The following CAMTA1 variants were observed in gnomAD, a reference collection of about 807,000 sequenced individuals.
The protein encoded by CAMTA1 is calmodulin-binding transcription activator 1.
In CAMTA1, 27 loss-of-function variants were observed where a neutral mutation model predicts 170.9. The observed-to-expected ratio is 0.16, with a 90% CI of 0.12 to 0.22. The LOEUF is 0.22. Among genes scored for constraint, CAMTA1 ranks in the 10% least tolerant of loss-of-function variants. The probability of loss-of-function intolerance (pLI) is 1.00; values close to 1 mark genes in which losing one functional copy is unlikely to be tolerated. For synonymous variants in CAMTA1, 833 were observed against 891.5 expected, an observed-to-expected ratio of 0.93 and a Z score of 1.17; for missense variants, 1,619 against 2,217.2, an observed-to-expected ratio of 0.73 and a Z score of 5.42.
chr1:7,249,045 C>G lies in CAMTA1; in HGVS notation c.303-446C>G, dbSNP rs186598457. 1.3e-5 allele frequency among the ~76,000 whole-genome samples: 2 copies of G among 152,156 alleles called. No homozygotes were observed. The highest frequency in any genetic ancestry group is 4.8e-5 in the African/African-American group (2 of 41,438). ...GTCTGTTCTTAACATAGTCATCTAG[C>G]GTCTGCGTTAAACTTATTTATTTCC... On this transcript the variant is annotated intron_variant, in intron 4 of 22. Coordinates refer to ENST00000303635, the MANE Select transcript of CAMTA1 (RefSeq NM_015215.4). The surrounding 1 kb of genome is among the most constrained non-coding windows in gnomAD (Gnocchi z 4.4).
chr1:6,831,882 G>A (rs1650326818), intron 3 of CAMTA1, among the ~76,000 whole-genome samples: 1 of 151,788 alleles, frequency 6.6e-6, no homozygotes, highest in South Asian at 2.1e-4. Context: ...CCACACCAAA[G>A]CGTCTGCAGG....
At chr1:6,980,603 A>G (rs954001708) in intron 3 of CAMTA1, among the ~76,000 whole-genome samples, 2 of 151,886 alleles carry the variant, frequency 1.3e-5, no homozygotes, top group Admixed American at 1.3e-4. Context: ...CTTGGGAGGG[A>G]CTTGGTAGGA....
intron 7 of CAMTA1, among the ~76,000 whole-genome samples, chr1:7,654,978 A>C (rs915438071): frequency 3.3e-4 from 45 of 137,700 alleles, no homozygotes; most frequent in East Asian, 6.3e-4. Context: ...CTATACACAC[A>C]CACCTATACA....
At chr1:7,187,367 A>G (rs1653580797) in intron 4 of CAMTA1, among the ~76,000 whole-genome samples, 1 of 152,222 alleles carries the variant, frequency 6.6e-6, no homozygotes, top group African/African-American at 2.4e-5. Flanking sequence ...TTTATGCCCA[A>G]GCTCATTTTT....
chr1:6,945,725 G>A (rs1687459232), intron 3 of CAMTA1, among the ~76,000 whole-genome samples: 1 of 152,040 alleles, frequency 6.6e-6, no homozygotes, highest in Non-Finnish European at 1.5e-5. Flanking sequence ...TGCCTATTCT[G>A]GACATTTTAT....
intron 16 of CAMTA1, among the ~76,000 whole-genome samples, chr1:7,741,937 T>G (rs1300668070): frequency 8.4e-6 from 1 of 118,368 alleles, no homozygotes; most frequent in Admixed American, 1.1e-4. Flanking sequence ...ATGCCCGGCC[T>G]CGGGTTGTTT....
At chr1:7,031,383 A>G (rs994419417) in intron 3 of CAMTA1, among the ~76,000 whole-genome samples, 5 of 152,062 alleles carry the variant, frequency 3.3e-5, no homozygotes, top group African/African-American at 1.2e-4. Flanking sequence ...GCTTTTTGTG[A>G]TATTAACATA....
intron 5 of CAMTA1, among the ~76,000 whole-genome samples, chr1:7,359,227 G>A (rs761143453): frequency 1.5e-5 from 2 of 132,752 alleles, no homozygotes; most frequent in African/African-American, 5.6e-5. Context: ...CCAGGGGTCA[G>A]TGGGGAGCCA....
rs557260808 is a variant in CAMTA1 at position 7,195,167 on chromosome 1, C to T, written c.303-54324C>T. 3.9e-5 allele frequency among the ~76,000 whole-genome samples: 6 copies of T among 152,300 alleles called. No homozygotes were observed. The highest frequency in any genetic ancestry group is 2.1e-4 in the South Asian group (1 of 4,824). On this transcript the variant is annotated intron_variant, in intron 4 of 22. Transcript: ENST00000303635. The surrounding 1 kb of genome is among the most constrained non-coding windows in gnomAD (Gnocchi z 4.1). Reference sequence around the variant, plus strand: ...AGGCGAGGTTTTCTGTCGTCCAGCACGTGCAAGAGAAGGGCTGGGCAGCTT... The same window carrying T: ...AGGCGAGGTTTTCTGTCGTCCAGCATGTGCAAGAGAAGGGCTGGGCAGCTT...
chr1:7,533,918 A>G (rs2150061576), intron 6 of CAMTA1, among the ~76,000 whole-genome samples: 1 of 151,892 alleles, frequency 6.6e-6, no homozygotes, highest in African/African-American at 2.4e-5. Context: ...TGTCCCCCCA[A>G]AAAAAAATGA....
chr1:6,988,837 C>G (rs1475224644), intron 3 of CAMTA1, among the ~76,000 whole-genome samples: 2 of 152,154 alleles, frequency 1.3e-5, no homozygotes, highest in Non-Finnish European at 2.9e-5. Context: ...ACCCATCACC[C>G]CAGCATCAGC....
At chr1:7,686,613 A>C (rs941742270) in intron 11 of CAMTA1, among the ~76,000 whole-genome samples, 2 of 152,092 alleles carry the variant, frequency 1.3e-5, no homozygotes, top group African/African-American at 4.8e-5. Context: ...GTCAGTGGGG[A>C]GCCACGGGAG....
At chr1:7,647,600 G>C (rs530640471) in intron 7 of CAMTA1, among the ~76,000 whole-genome samples, 1 of 152,190 alleles carries the variant, frequency 6.6e-6, no homozygotes, top group Non-Finnish European at 1.5e-5. Flanking sequence ...GTGGGGCTTG[G>C]GGTGGGGCTG....
chr1:7,245,301 C>A (rs11120884), intron 4 of CAMTA1, among the ~76,000 whole-genome samples: 75,004 of 150,538 alleles, frequency 0.5, 20,474 homozygotes, highest in South Asian at 0.63. Flanking sequence ...AAGCCAATAG[C>A]ATATAGATGT....
chr1:6,861,536 G>T (rs529267068), intron 3 of CAMTA1, among the ~76,000 whole-genome samples: 5 of 152,240 alleles, frequency 3.3e-5, no homozygotes, highest in Admixed American at 1.3e-4. Flanking sequence ...CTGGTCAGGG[G>T]TTAGCGTGGC....
At chr1:7,490,770 C>T (rs542428288) in intron 6 of CAMTA1, among the ~76,000 whole-genome samples, 102 of 152,278 alleles carry the variant, frequency 6.7e-4, no homozygotes, top group African/African-American at 2.3e-3. Flanking sequence ...GTGCTGCTGC[C>T]GCAGGAGTCC....
At chr1:6,870,826 C>G (rs1668202207) in intron 3 of CAMTA1, among the ~76,000 whole-genome samples, 1 of 152,110 alleles carries the variant, frequency 6.6e-6, no homozygotes. Flanking sequence ...GAGCATATAG[C>G]CTGCTAAAGC....
chr1:7,370,914 CTTTTT>C (rs61387662), intron 5 of CAMTA1, among the ~76,000 whole-genome samples: 1 of 110,010 alleles, frequency 9.1e-6, no homozygotes, highest in Non-Finnish European at 1.7e-5. Context: ...TTCTTTCTTT[CTTTTT>C]TTTTTTTTTT....
chr1:7,112,306 T>G (rs1005839446), intron 4 of CAMTA1, among the ~76,000 whole-genome samples: 2 of 152,242 alleles, frequency 1.3e-5, no homozygotes, highest in Non-Finnish European at 2.9e-5. Flanking sequence ...TTTCTTTGTA[T>G]CCCTCACAAT....
Sources: gnomAD v4.1 joint callset for allele counts (sites outside exome capture counted in the v4.1 genomes callset) on GRCh38, gnomAD v4.1.1 for gene constraint, Gnocchi (gnomAD v3.1) non-coding constraint, MANE v1.5 for transcripts, NCBI Gene and HGNC (gene_info 2026-07-23, HGNC 2026-07-21) for gene names.